WFDC1: variants seen among roughly 807,000 people sequenced by gnomAD.
The protein encoded by WFDC1 is WAP four-disulfide core domain protein 1.
A neutral mutation model predicts 32.9 loss-of-function variants in WFDC1; 39 were observed. That is an observed-to-expected ratio of 1.19 (90% CI 0.92 to 1.55). The LOEUF (loss-of-function observed/expected upper bound fraction) is 1.55, where lower values mean the gene tolerates loss of function less well. WFDC1 is among the 40% of genes most tolerant of loss of function. The pLI, the probability that WFDC1 is intolerant of heterozygous loss-of-function variation, is 0.00. For missense variants in WFDC1, 386 were observed against 309.5 expected (o/e 1.25, Z -1.85); for synonymous variants, 184 against 137.4 (o/e 1.34, Z -2.37).
chr16:84,320,221 G>A (rs566338437), intron 4 of WFDC1, among the ~76,000 whole-genome samples: 1 of 152,208 alleles, frequency 6.6e-6, no homozygotes, highest in Admixed American at 6.5e-5. Flanking sequence ...GCTAATGTAA[G>A]TGTTCTGAGC....
chr16:84,297,273 C>T (rs1161180186), intron 1 of WFDC1, among the ~76,000 whole-genome samples: 1 of 152,140 alleles, frequency 6.6e-6, no homozygotes, highest in African/African-American at 2.4e-5. Flanking sequence ...TGGTTATCAA[C>T]AGATATTGGC....
chr16:84,298,600 A>G (rs1243173459), intron 1 of WFDC1, among the ~76,000 whole-genome samples: 1 of 152,178 alleles, frequency 6.6e-6, no homozygotes, highest in Admixed American at 6.5e-5. Flanking sequence ...CACCTTGGAA[A>G]TTGGCCAGGG....
chr16:84,306,046 TAAAAG>T (rs1175464854), intron 1 of WFDC1, among the ~76,000 whole-genome samples: 1 of 137,548 alleles, frequency 7.3e-6, no homozygotes, highest in Non-Finnish European at 1.5e-5. Flanking sequence ...ATAATAATAA[TAAAAG>T]GAATAAAAAT....
intron 1 of WFDC1, among the ~76,000 whole-genome samples, chr16:84,296,434 C>T (rs764651185): frequency 5.3e-5 from 8 of 152,230 alleles, no homozygotes; most frequent in East Asian, 3.9e-4. Context: ...GCACGGGATG[C>T]GTGTGCAGCT....
chr16:84,296,303 A>G (rs1906593168), intron 1 of WFDC1, among the ~76,000 whole-genome samples: 1 of 152,216 alleles, frequency 6.6e-6, no homozygotes, highest in Admixed American at 6.5e-5. Context: ...CTAACAGGGT[A>G]GCATGTAGGT....
intron 1 of WFDC1, chr16:84,296,879 C>G (rs1037455979): frequency 4.6e-5 from 7 of 152,162 alleles, no homozygotes; most frequent in African/African-American, 1.7e-4. Flanking sequence ...CATCTAAGAG[C>G]TGCTTGGGAG....
rs1908788736 is a variant in WFDC1 at position 84,329,340 on chromosome 16, C to T, written c.*34C>T. The T allele has an allele frequency of 6.7e-6, 1 of 149,568 alleles. No homozygotes were observed. The highest frequency in any genetic ancestry group is 2.6e-5 in the African/African-American group (1 of 38,810). 9.3% of individuals were successfully genotyped at this position (149,568 alleles called of 1,614,324 possible). A position where few individuals can be genotyped will look rare whatever the true frequency, so the allele number is the denominator to read the frequency against. On this transcript the variant is annotated 3_prime_UTR_variant, in exon 7 of 7. Transcript: ENST00000219454. Reference sequence around the variant, plus strand: ...TTTCCAGCTAGGTTGCAAGAACATTCCTCTACTTTCTGCTAAGCCTTGGAA... The same window carrying T: ...TTTCCAGCTAGGTTGCAAGAACATTTCTCTACTTTCTGCTAAGCCTTGGAA...
chr16:84,313,154 G>C lies in WFDC1; in HGVS notation c.337+1G>C. ...CTAGAAGCTGTGCCGCCCCCGCCAG[G>C]TAGGTCCTGGGCCCGAGGGAGGGGG... On this transcript the variant is annotated splice_donor_variant, in intron 2 of 6. Coordinates refer to ENST00000219454, the MANE Select transcript of WFDC1 (RefSeq NM_021197.4). LOFTEE classifies it high-confidence loss of function. 7.0e-7 allele frequency: 1 copy of C among 1,427,448 alleles called. No homozygotes were observed. Among genetic ancestry groups the C allele is most frequent in the South Asian group, 1.5e-5 (1 of 67,330 alleles). The allele number at this position is 1,427,448 out of a possible 1,614,324, so 88.4% of individuals were successfully genotyped here.
chr16:84,310,032 G>T (rs1031251094), intron 1 of WFDC1, among the ~76,000 whole-genome samples: 2 of 152,156 alleles, frequency 1.3e-5, no homozygotes, highest in African/African-American at 4.8e-5. Flanking sequence ...GGATTCCAGG[G>T]AGTAGGGCCT....
In WFDC1 at chr16:84,312,267, G is replaced by T. The variant is rs1907678532; in HGVS notation, c.145-694G>T. 2.0e-5 allele frequency among the ~76,000 whole-genome samples: 3 copies of T among 152,238 alleles called. No individual in the cohort carries two copies. The South Asian group carries it at 6.2e-4, about 32-fold the overall frequency. On this transcript the variant is annotated intron_variant, in intron 1 of 6. Transcript: ENST00000219454. ...ACAAAATAAACACACCATGTAACCA[G>T]CCCCCAGACCAAGAAACAGAACAGA... is the stretch of plus-strand genomic sequence containing the variant.
intron 1 of WFDC1, among the ~76,000 whole-genome samples, chr16:84,306,876 C>A (rs1254887050): frequency 1.3e-5 from 2 of 152,108 alleles, no homozygotes. Flanking sequence ...CAGGTAAGAA[C>A]AAAACCAAGT....
rs867350983 is a variant in WFDC1, at chr16:84,314,396, C to T, written c.337+1243C>T. ...GCGGCAAGGAAGTCTTCTCCACCCT[C>T]GGCTCTGCTCAGGGTGATAACAACA... On this transcript the variant is annotated intron_variant, in intron 2 of 6. Coordinates refer to ENST00000219454, the MANE Select transcript of WFDC1 (RefSeq NM_021197.4). 7.2e-5 allele frequency among the ~76,000 whole-genome samples: 11 copies of T among 152,216 alleles called. 1 individual carries two copies. Among genetic ancestry groups the T allele is most frequent in the Middle Eastern group, 6.8e-3 (2 of 294 alleles).
chr16:84,311,593 AT>A (rs1303181548), intron 1 of WFDC1, among the ~76,000 whole-genome samples: 1 of 141,942 alleles, frequency 7.0e-6, no homozygotes, highest in African/African-American at 2.7e-5. Context: ...GAGTAGTGCG[AT>A]CACAGCTCAC....
chr16:84,298,110 A>G (rs964213607), intron 1 of WFDC1, among the ~76,000 whole-genome samples: 1 of 152,158 alleles, frequency 6.6e-6, no homozygotes, highest in Admixed American at 6.5e-5. Context: ...TTACAGTTAA[A>G]TCATTTGTAT....
chr16:84,316,229 T>C (rs1195648883), intron 2 of WFDC1: 2 of 152,232 alleles, frequency 1.3e-5, no homozygotes, highest in East Asian at 3.8e-4. Flanking sequence ...CTTTCTCTGC[T>C]GTTCCAACTT....
intron 1 of WFDC1, chr16:84,296,837 G>C (rs1312470903): frequency 3.3e-5 from 5 of 152,244 alleles, no homozygotes; most frequent in Non-Finnish European, 7.3e-5. Flanking sequence ...AGAAGGCTCA[G>C]CATGAGCCGA....
chr16:84,321,001 G>A (rs1908274839), intron 4 of WFDC1, among the ~76,000 whole-genome samples: 2 of 152,166 alleles, frequency 1.3e-5, no homozygotes, highest in South Asian at 4.1e-4. Context: ...GAACTTTGAA[G>A]AAATTATCTA....
intron 4 of WFDC1, among the ~76,000 whole-genome samples, chr16:84,323,325 T>G (rs1908413463): frequency 6.6e-6 from 1 of 152,212 alleles, no homozygotes; most frequent in Admixed American, 6.5e-5. Context: ...TTGATTAACC[T>G]TATAGCAGAA....
chr16:84,306,004 A>AAATAATAATAAT (rs141595518), intron 1 of WFDC1, among the ~76,000 whole-genome samples: 92 of 144,554 alleles, frequency 6.4e-4, no homozygotes, highest in Non-Finnish European at 6.3e-4. Context: ...CCTTTTCTCA[A>AAATAATAATAAT]AATAATAATA....
Sources: allele counts gnomAD v4.1 joint callset (sites outside exome capture counted in the v4.1 genomes callset), GRCh38; gene constraint gnomAD v4.1.1; transcripts MANE v1.5; gene names NCBI Gene and HGNC (gene_info 2026-07-23, HGNC 2026-07-21).